Variants in TADA3 observed in about 807,000 individuals in gnomAD.
TADA3 encodes the protein transcriptional adapter 3.
TADA3 carries 25 observed loss-of-function variants against 43.2 expected under a neutral mutation model. The observed-to-expected ratio is 0.58, with a 90% CI of 0.42 to 0.81. TADA3 has a LOEUF of 0.81. TADA3 is among the 30% of genes least tolerant of loss of function. TADA3 has a pLI of 0.00. For synonymous variants in TADA3, 235 were observed against 225.5 expected, an observed-to-expected ratio of 1.04 and a Z score of -0.38; for missense variants, 441 against 567.8, an observed-to-expected ratio of 0.78 and a Z score of 2.27.
In TADA3 at chr3:9,791,352, C is replaced by A; in HGVS notation, c.115G>T (p.Gly39Cys). The A allele has an allele frequency of 1.9e-6, 3 of 1,614,208 alleles. No individual in the cohort carries two copies. Among genetic ancestry groups the A allele is most frequent in the Non-Finnish European group, 2.5e-6 (3 of 1,180,048 alleles). Residue 39 changes from glycine (G) to cysteine (C), a missense_variant, in exon 2 of 9, where the codon GGC becomes TGC. By Grantham distance (159) the Gly-to-Cys change is radical (BLOSUM62 -3). Coordinates refer to ENST00000301964, the MANE Select transcript of TADA3 (RefSeq NM_006354.5). ...VLARSEDDGIGIEELDTLQLE... is the reference protein window; with the variant it reads ...VLARSEDDGICIEELDTLQLE... ...TGCAGGGTGTCCAGCTCCTCGATGC[C>A]GATGCCATCATCCTCAGAGCGTGCC... is the stretch of plus-strand genomic sequence containing the variant.
chr3:9,788,544 T>C (rs1170903591), intron 4 of TADA3, among the ~76,000 whole-genome samples: 1 of 135,952 alleles, frequency 7.4e-6, no homozygotes, highest in East Asian at 2.1e-4. Context: ...CGCACCCGGC[T>C]TTTTTTTTTT....
intron 8 of TADA3, among the ~76,000 whole-genome samples, chr3:9,782,807 G>C (rs919847138): frequency 1.6e-5 from 2 of 127,910 alleles, no homozygotes; most frequent in Non-Finnish European, 3.5e-5. Context: ...AAAAAAAAAA[G>C]GCCAAATGAA....
At chr3:9,791,572 T>A in intron 1 of TADA3, 79 bp from the exon 2 acceptor site, 1 of 841,442 alleles carries the variant, frequency 1.2e-6, no homozygotes, top group Non-Finnish European at 1.8e-6. Flanking sequence ...AGGGACAGCC[T>A]CAAGGAAGCC....
chr3:9,785,146 T>G (rs1367814663), intron 7 of TADA3, among the ~76,000 whole-genome samples, 170 bp downstream of exon 7: 1 of 152,208 alleles, frequency 6.6e-6, no homozygotes, highest in Non-Finnish European at 1.5e-5. Flanking sequence ...AACCCTGCAC[T>G]CAGTCTGTGC....
chr3:9,783,885 A>G, intron 8 of TADA3, 143 bp downstream of exon 8: 3 of 1,382,080 alleles, frequency 2.2e-6, no homozygotes, highest in South Asian at 1.6e-5. Context: ...TGGACTGGCC[A>G]CTGCTGTTTT....
rs1287195830 is a variant in TADA3, at chr3:9,791,387, G to A, written c.80C>T (p.Thr27Met). 20 of 1,614,100 alleles carry A rather than the reference G, an allele frequency of 1.2e-5. No homozygotes were observed. Among genetic ancestry groups the A allele is most frequent in the Admixed American group, 3.3e-5 (2 of 60,004 alleles). Residue 27 changes from threonine to methionine, a missense_variant, in exon 2 of 9, where the codon ACG (threonine) becomes ATG (methionine). Physicochemically the swap from Thr to Met is moderately conservative, Grantham distance 81. Coordinates refer to ENST00000301964, the MANE Select transcript of TADA3 (RefSeq NM_006354.5). ...VDHLKVCPRY[T>M]AVLARSEDDG... The stretch of plus-strand genomic sequence containing the variant: ...ATCCTCAGAGCGTGCCAGCACTGCC[G>A]TGTAGCGGGGACAGACCTTCAGGTG...
At chr3:9,781,598 G>A (rs190104876) in intron 8 of TADA3, 9 of 456,286 alleles carry the variant, frequency 2.0e-5, no homozygotes, top group Middle Eastern at 6.6e-4. Context: ...AGGCTGACAG[G>A]AGGTGGGTGA....
At chr3:9,790,022 C>A in intron 2 of TADA3, 59 bp from the exon 3 acceptor site, 1 of 1,515,208 alleles carries the variant, frequency 6.6e-7, no homozygotes. Context: ...ATATCTCTTT[C>A]CTCTAGTGAA....
At chr3:9,785,126 T>G (rs2125621417) in intron 7 of TADA3, among the ~76,000 whole-genome samples, 190 bp downstream of exon 7, 1 of 152,362 alleles carries the variant, frequency 6.6e-6, no homozygotes, top group Admixed American at 6.5e-5. Flanking sequence ...TGAACAGTTC[T>G]GTGCTGAACA....
At chr3:9,783,092 A>G (rs6799301) in intron 8 of TADA3, 12 of 152,210 alleles carry the variant, frequency 7.9e-5, no homozygotes, top group African/African-American at 2.9e-4. Flanking sequence ...AATAAAAATC[A>G]CAGATCTCCA....
Position 9,780,518 on chromosome 3 carries a change from G to T in TADA3, c.1138C>A (p.Leu380Met). 1 of 1,605,562 alleles carries T rather than the reference G, an allele frequency of 6.2e-7. No individual in the cohort carries two copies. Reference sequence around the variant, plus strand: ...TCAGCCATGCGCACCCGCTGCCTCAGCTCCTGCCGGCTCACCTCCTCCTTT... The same window carrying T: ...TCAGCCATGCGCACCCGCTGCCTCATCTCCTGCCGGCTCACCTCCTCCTTT... Reference protein sequence around the residue: ...LAKEEVSRQELRQRVRMADNE... With the variant: ...LAKEEVSRQEMRQRVRMADNE... Residue 380 changes from leucine (L) to methionine (M), a missense_variant, in exon 9 of 9, where the codon CTG becomes ATG. Physicochemically the swap from Leu to Met is conservative, Grantham distance 15 (BLOSUM62 2). Transcript: ENST00000301964.
At chr3:9,782,075 C>G (rs1199703943) in intron 8 of TADA3, among the ~76,000 whole-genome samples, 1 of 152,070 alleles carries the variant, frequency 6.6e-6, no homozygotes, top group African/African-American at 2.4e-5. Context: ...TGAGCTCAAA[C>G]AAGCCTCCCA....
chr3:9,792,579 C>T, upstream of TADA3: 1 of 1,229,492 alleles, frequency 8.1e-7, no homozygotes, highest in Non-Finnish European at 1.0e-6. Flanking sequence ...CGAGCAAAGC[C>T]GCTAGAGGTG....
rs912394931 is a variant in TADA3 at position 9,780,043 on chromosome 3, G to A, written c.*314C>T. The A allele has an allele frequency of 1.5e-4, 41 of 268,556 alleles. No individual in the cohort carries two copies. The highest frequency in any genetic ancestry group is 7.7e-4 in the African/African-American group (35 of 45,734). 16.6% of individuals were successfully genotyped at this position (268,556 alleles called of 1,614,324 possible). A position where few individuals can be genotyped will look rare whatever the true frequency, so the allele number is the denominator to read the frequency against. On this transcript the variant is annotated 3_prime_UTR_variant, in exon 9 of 9. Transcript: ENST00000301964. ...AAACCACAAGGGAGAAGTCCTTGAA[G>A]GGGAGACAGGGGTAGGGGATTAGGG...
chr3:9,785,219 C>G, intron 7 of TADA3, 97 bp downstream of exon 7: 1 of 919,666 alleles, frequency 1.1e-6, no homozygotes, highest in South Asian at 1.6e-5. Context: ...CTAACTGCCC[C>G]CAGCCTCTTA....
upstream of TADA3, chr3:9,792,493 GCAGTTGACGCGGGGGCGGGGAGT>G (rs2078763486): frequency 2.5e-6 from 3 of 1,211,900 alleles, no homozygotes; most frequent in Admixed American, 1.3e-4. Flanking sequence ...CGGGCCCCTT[GCAGTTGACGCGGGGGCGGGGAGT>G]CAGCGAGGGC....
intron 2 of TADA3, among the ~76,000 whole-genome samples, chr3:9,790,497 T>C (rs1235809382): frequency 6.6e-6 from 1 of 152,218 alleles, no homozygotes; most frequent in Non-Finnish European, 1.5e-5. Flanking sequence ...CACACTGGAA[T>C]GACCATCACA....
chr3:9,789,912 C>T lies in TADA3; in HGVS notation c.259G>A (p.Gly87Ser). 7.4e-6 allele frequency: 12 copies of T among 1,613,170 alleles called. No homozygotes were observed. The highest frequency in any genetic ancestry group is 9.3e-6 in the Non-Finnish European group (11 of 1,179,722). ...KKGDRRFLKL[G>S]RDHELGAPPK... ...GGAGCTCCAAGTTCATGGTCTCGACCCAGCTTCAGGAATCGTCTGTCACCT... is the reference window on the plus strand; with the variant it reads ...GGAGCTCCAAGTTCATGGTCTCGACTCAGCTTCAGGAATCGTCTGTCACCT... Residue 87 changes from glycine (G) to serine (S), a missense_variant, in exon 3 of 9, where the codon GGT becomes AGT. Gly to Ser is a moderately conservative substitution (Grantham distance 56). Coordinates refer to ENST00000301964, the MANE Select transcript of TADA3 (RefSeq NM_006354.5).
intron 4 of TADA3, among the ~76,000 whole-genome samples, chr3:9,788,832 TTA>T: frequency 6.6e-6 from 1 of 151,610 alleles, no homozygotes; most frequent in East Asian, 1.9e-4. Context: ...GAGGTGACTT[TTA>T]TATCTTTTTT....
Sources: allele counts gnomAD v4.1 joint callset (sites outside exome capture counted in the v4.1 genomes callset), GRCh38; gene constraint gnomAD v4.1.1; transcripts MANE v1.5; gene names NCBI Gene and HGNC (gene_info 2026-07-23, HGNC 2026-07-21).